Variants in TRIM32 observed in about 807,000 individuals in gnomAD.
TRIM32 encodes E3 ubiquitin-protein ligase TRIM32.
A neutral mutation model predicts 36.0 loss-of-function variants in TRIM32; 19 were observed. That is an observed-to-expected ratio of 0.53 (90% CI 0.37 to 0.77). The LOEUF is 0.77. Among genes scored for constraint, TRIM32 ranks in the 30% least tolerant of loss-of-function variants. The probability of loss-of-function intolerance (pLI) is 0.00; values close to 1 mark genes in which losing one functional copy is unlikely to be tolerated. For missense variants in TRIM32, 747 were observed against 845.2 expected (o/e 0.88, Z 1.44); for synonymous variants, 309 against 318.5 (o/e 0.97, Z 0.32).
rs771473463 is a variant in TRIM32, at chr9:116,697,847, G to A, written c.105G>A (p.Lys35=). ...TCACAGAAGAGCAGCTGCGTCCCAA[G>A]CTTCTGCACTGTGGCCATACCATCT... The part of the protein sequence containing the change: ...ESFTEEQLRP[K]LLHCGHTICR... Residue 35 remains lysine (K), a synonymous_variant, in exon 2 of 2, where the codon AAG becomes AAA. Coordinates refer to ENST00000450136, the MANE Select transcript of TRIM32 (RefSeq NM_012210.4). 6 of 1,614,176 alleles carry A rather than the reference G, an allele frequency of 3.7e-6. No homozygotes were observed. The highest frequency in any genetic ancestry group is 5.1e-6 in the Non-Finnish European group (6 of 1,180,040).
Position 116,699,640 on chromosome 9 carries a change from T to C in TRIM32, c.1898T>C (p.Leu633Ser). Residue 633 changes from leucine (L) to serine (S), a missense_variant, in exon 2 of 2, where the codon TTG becomes TCG. Physicochemically the swap from Leu to Ser is moderately radical, Grantham distance 145 (BLOSUM62 -2). Transcript: ENST00000450136. The surrounding 1 kb of genome is among the most constrained non-coding windows in gnomAD (Gnocchi z 4.2). Reference protein sequence around the residue: ...ALTPKGQLLVLDCWDHCIKIY... With the variant: ...ALTPKGQLLVSDCWDHCIKIY... ...ACTCCTAAGGGGCAGCTGCTGGTCTTGGACTGTTGGGATCATTGCATCAAG... is the reference window on the plus strand; with the variant it reads ...ACTCCTAAGGGGCAGCTGCTGGTCTCGGACTGTTGGGATCATTGCATCAAG... 1 of 1,614,236 alleles carries C rather than the reference T, an allele frequency of 6.2e-7. No individual in the cohort carries two copies. The highest frequency in any genetic ancestry group is 8.5e-7 in the Non-Finnish European group (1 of 1,180,038).
At chr9:116,688,880 A>G (rs954196534) in intron 1 of TRIM32, among the ~76,000 whole-genome samples, 3 of 104,726 alleles carry the variant, frequency 2.9e-5, no homozygotes, top group Non-Finnish European at 7.6e-5. Context: ...CAACCACCAG[A>G]AAAAAAAAAG....
At chr9:116,687,591 G>A (rs1225376750) in intron 1 of TRIM32, among the ~76,000 whole-genome samples, 1 of 148,700 alleles carries the variant, frequency 6.7e-6, no homozygotes, top group African/African-American at 2.5e-5. Context: ...GAGGAGATCC[G>A]AGGAGATGCA....
chr9:116,687,538 G>A (rs1661170710), intron 1 of TRIM32, among the ~76,000 whole-genome samples, 157 bp downstream of exon 1: 1 of 144,926 alleles, frequency 6.9e-6, no homozygotes, highest in African/African-American at 2.6e-5. Context: ...CTAGGGTGGG[G>A]GTGGGGCTGC....
At position 116,698,784 on chromosome 9, in the gene TRIM32, G is replaced by T. The variant is rs771427815; in HGVS notation, c.1042G>T (p.Ala348Ser). The change falls in exon 2 of 2, where the codon GCA becomes TCA. Residue 348 changes from alanine (A) to serine (S), a missense_variant. Physicochemically the swap from Ala to Ser is moderately conservative, Grantham distance 99. Coordinates refer to ENST00000450136, the MANE Select transcript of TRIM32 (RefSeq NM_012210.4). The surrounding 1 kb of genome is among the most constrained non-coding windows in gnomAD (Gnocchi z 4.4). ...ASPAKQRGPEAASNIQQCLFL... is the reference protein window; with the variant it reads ...ASPAKQRGPESASNIQQCLFL... Reference sequence around the variant, plus strand: ...ACCTGCTAAACAGCGGGGTCCTGAGGCAGCCTCCAATATCCAGCAGTGCCT... The same window carrying T: ...ACCTGCTAAACAGCGGGGTCCTGAGTCAGCCTCCAATATCCAGCAGTGCCT... The T allele has an allele frequency of 1.9e-6, 3 of 1,614,068 alleles. No homozygotes were observed. The African/African-American group carries it at 4.0e-5, about 22-fold the overall frequency.
Position 116,698,442 on chromosome 9 carries a change from C to T in TRIM32, c.700C>T (p.Gln234Ter), listed in dbSNP as rs886043553. The T allele has an allele frequency of 1.2e-6, 2 of 1,614,032 alleles. No individual in the cohort carries two copies. The highest frequency in any genetic ancestry group is 1.7e-4 in the Middle Eastern group (1 of 6,032). Reference sequence around the variant, plus strand: ...TTACCTGCTTAACATTGCAGAGGTGCAGGCTGTGTCTCGCTGTGACTACTT... The same window carrying T: ...TTACCTGCTTAACATTGCAGAGGTGTAGGCTGTGTCTCGCTGTGACTACTT... ...QSYLLNIAEV[Q>*]AVSRCDYFLA... The change falls in exon 2 of 2, where the codon CAG becomes TAG. Residue 234 changes from glutamine to a stop codon, truncating the protein, a stop_gained. Coordinates refer to ENST00000450136, the MANE Select transcript of TRIM32 (RefSeq NM_012210.4). LOFTEE classifies it high-confidence loss of function. This position sits in a 1 kb window ranked among gnomAD's most constrained non-coding sequence, Gnocchi z 4.4.
chr9:116,696,691 A>G (rs1292998333), intron 1 of TRIM32, among the ~76,000 whole-genome samples: 1 of 152,032 alleles, frequency 6.6e-6, no homozygotes, highest in African/African-American at 2.4e-5. Flanking sequence ...TTATTTACCT[A>G]CATGTCTTGT....
rs1019692959 is a variant in TRIM32, at chr9:116,694,644, T to G, written c.-81-3018T>G. The stretch of plus-strand genomic sequence containing the variant: ...CCCAGCTAATTTTTTTTTTTTTTTT[T>G]GTATTTTTAGTAGAGACGGAGTTTC... On this transcript the variant is annotated intron_variant, in intron 1 of 1. Coordinates refer to ENST00000450136, the MANE Select transcript of TRIM32 (RefSeq NM_012210.4). 8.6e-4 allele frequency among the ~76,000 whole-genome samples: 106 copies of G among 123,352 alleles called. 1 individual carries two copies. Among genetic ancestry groups the G allele is most frequent in the African/African-American group, 3.1e-3 (102 of 32,722 alleles). The allele number at this position is 123,352 out of a possible 152,430, so 80.9% of individuals were successfully genotyped here.
At chr9:116,693,520 G>A (rs1331217936) in intron 1 of TRIM32, among the ~76,000 whole-genome samples, 1 of 152,142 alleles carries the variant, frequency 6.6e-6, no homozygotes, top group Non-Finnish European at 1.5e-5. Flanking sequence ...GGGAGCTGAA[G>A]AGATGTGCTA....
rs567913198 is a variant in TRIM32, at chr9:116,699,910, A to T, written c.*206A>T. 1 of 700,104 alleles carries T rather than the reference A, an allele frequency of 1.4e-6. No homozygotes were observed. Among genetic ancestry groups the T allele is most frequent in the African/African-American group, 1.8e-5 (1 of 55,488 alleles). The allele number at this position is 700,104 out of a possible 1,614,324, so 43.4% of individuals were successfully genotyped here. A position where few individuals can be genotyped will look rare whatever the true frequency, so the allele number is the denominator to read the frequency against. ...CCACCTAAATTTAGAGCTTTAAAAG[A>T]TGCACTGCCCAAATAGGACACACGA... On this transcript the variant is annotated 3_prime_UTR_variant, in exon 2 of 2. Coordinates refer to ENST00000450136, the MANE Select transcript of TRIM32 (RefSeq NM_012210.4). This position sits in a 1 kb window ranked among gnomAD's most constrained non-coding sequence, Gnocchi z 4.2.
chr9:116,693,451 A>C (rs2132057303), intron 1 of TRIM32, among the ~76,000 whole-genome samples: 1 of 152,334 alleles, frequency 6.6e-6, no homozygotes, highest in South Asian at 2.1e-4. Context: ...ATAATTATGT[A>C]ATTTTTCTGA....
rs1861095428 is a variant in TRIM32 at position 116,700,026 on chromosome 9, T to A, written c.*322T>A. On this transcript the variant is annotated 3_prime_UTR_variant, in exon 2 of 2. Coordinates refer to ENST00000450136, the MANE Select transcript of TRIM32 (RefSeq NM_012210.4). ...AGCCCTTTGTGCCATGTTTGAAATT[T>A]GCCCTTGTATTAAATCCTTGATTTT... The A allele has an allele frequency of 5.0e-6, 2 of 396,448 alleles. No individual in the cohort carries two copies. Among genetic ancestry groups the A allele is most frequent in the South Asian group, 6.9e-5 (2 of 29,074 alleles). The allele number at this position is 396,448 out of a possible 1,614,324, so 24.6% of individuals were successfully genotyped here. A position where few individuals can be genotyped will look rare whatever the true frequency, so the allele number is the denominator to read the frequency against.
Position 116,698,399 on chromosome 9 carries a change from A to G in TRIM32, c.657A>G (p.Gln219=), listed in dbSNP as rs1168486456. The stretch of plus-strand genomic sequence containing the variant: ...CTGAAGTTGAGAAGTCCAATAGTCA[A>G]GTGGTAGAGGAGCAGAGTTACCTGC... ...SLAEVEKSNS[Q]VVEEQSYLLN... Residue 219 remains glutamine (Q), a synonymous_variant, in exon 2 of 2, where the codon CAA becomes CAG. Transcript: ENST00000450136. This position sits in a 1 kb window ranked among gnomAD's most constrained non-coding sequence, Gnocchi z 4.4. The G allele has an allele frequency of 1.9e-6, 3 of 1,613,964 alleles. No individual in the cohort carries two copies. Among genetic ancestry groups the G allele is most frequent in the East Asian group, 2.2e-5 (1 of 44,866 alleles).
chr9:116,694,459 CTTTTTTTTTT>C (rs56666915), intron 1 of TRIM32, among the ~76,000 whole-genome samples: 1 of 88,038 alleles, frequency 1.1e-5, no homozygotes, highest in Non-Finnish European at 2.0e-5. Flanking sequence ...TGTAATTTCT[CTTTTTTTTTT>C]TTTTTTTTTT....
chr9:116,688,810 A>G (rs1441251366), intron 1 of TRIM32, among the ~76,000 whole-genome samples: 1 of 152,092 alleles, frequency 6.6e-6, no homozygotes, highest in Non-Finnish European at 1.5e-5. Context: ...TTACAGCTTG[A>G]AGGGGCAGTG....
In TRIM32 at chr9:116,699,405, G is replaced by T. The variant is rs1190502557; in HGVS notation, c.1663G>T (p.Val555Leu). ...HLEGGFSIGS[V>L]GPDGQLGRQI... ...GGAGGGTGGCTTTTCCATTGGCTCT[G>T]TAGGCCCTGATGGGCAGCTGGGTCG... Residue 555 changes from valine to leucine, a missense_variant, in exon 2 of 2, where the codon GTA becomes TTA. Coordinates refer to ENST00000450136, the MANE Select transcript of TRIM32 (RefSeq NM_012210.4). The surrounding 1 kb of genome is among the most constrained non-coding windows in gnomAD (Gnocchi z 4.2). 1.5e-5 allele frequency: 25 copies of T among 1,614,192 alleles called. No individual in the cohort carries two copies. The highest frequency in any genetic ancestry group is 2.1e-5 in the Non-Finnish European group (25 of 1,180,034).
In TRIM32 at chr9:116,687,376, G is replaced by C. The variant is rs921383438; in HGVS notation, c.-87G>C. Reference sequence around the variant, plus strand: ...CGGTGGACTCGTCGGAGCCGCGGGCGGTCAGGTAGGGGGCGGGAAGGAGGG... The same window carrying C: ...CGGTGGACTCGTCGGAGCCGCGGGCCGTCAGGTAGGGGGCGGGAAGGAGGG... On this transcript the variant is annotated 5_prime_UTR_variant, in exon 1 of 2. Coordinates refer to ENST00000450136, the MANE Select transcript of TRIM32 (RefSeq NM_012210.4). 2 of 439,574 alleles carry C rather than the reference G, an allele frequency of 4.5e-6. No homozygotes were observed. The highest frequency in any genetic ancestry group is 4.3e-5 in the African/African-American group (2 of 46,486). The allele number at this position is 439,574 out of a possible 1,614,324, so 27.2% of individuals were successfully genotyped here.
At position 116,698,677 on chromosome 9, in the gene TRIM32, C is replaced by T; in HGVS notation, c.935C>T (p.Thr312Ile). Residue 312 changes from threonine (T) to isoleucine (I), a missense_variant, in exon 2 of 2, where the codon ACA becomes ATA. Transcript: ENST00000450136. The surrounding 1 kb of genome is among the most constrained non-coding windows in gnomAD (Gnocchi z 4.4). ...GAAGATTCCTGGGCCATGGAGGCCA[C>T]AGCGTCTGCTGCCTCTACCTCTGTT... The part of the protein sequence containing the change: ...NVEDSWAMEA[T>I]ASAASTSVTF... 1 of 1,614,168 alleles carries T rather than the reference C, an allele frequency of 6.2e-7. No homozygotes were observed. Among genetic ancestry groups the T allele is most frequent in the Non-Finnish European group, 8.5e-7 (1 of 1,180,038 alleles).
chr9:116,698,505 G>A lies in TRIM32; in HGVS notation c.763G>A (p.Glu255Lys). 1 of 1,613,872 alleles carries A rather than the reference G, an allele frequency of 6.2e-7. No individual in the cohort carries two copies. Among genetic ancestry groups the A allele is most frequent in the Non-Finnish European group, 8.5e-7 (1 of 1,180,014 alleles). The change falls in exon 2 of 2, where the codon GAG (glutamate) becomes AAG (lysine). Residue 255 changes from glutamate to lysine, a missense_variant. Coordinates refer to ENST00000450136, the MANE Select transcript of TRIM32 (RefSeq NM_012210.4). This position sits in a 1 kb window ranked among gnomAD's most constrained non-coding sequence, Gnocchi z 4.4. ...KIKQADVALL[E>K]ETADEEEPEL... ...CAAGCAGGCAGATGTAGCACTACTGGAGGAGACAGCTGATGAGGAGGAGCC... is the reference window on the plus strand; with the variant it reads ...CAAGCAGGCAGATGTAGCACTACTGAAGGAGACAGCTGATGAGGAGGAGCC...
Sources: allele counts gnomAD v4.1 joint callset (sites outside exome capture counted in the v4.1 genomes callset), GRCh38; gene constraint gnomAD v4.1.1; non-coding constraint Gnocchi (gnomAD v3.1); transcripts MANE v1.5; gene names NCBI Gene and HGNC (gene_info 2026-07-23, HGNC 2026-07-21).